The following CAMSAP2 variants were observed in gnomAD, a reference collection of about 807,000 sequenced individuals.
CAMSAP2 encodes the protein calmodulin regulated spectrin associated protein family member 2.
CAMSAP2 carries 26 observed loss-of-function variants against 146.1 expected under a neutral mutation model. The observed-to-expected ratio is 0.18, with a 90% confidence interval of 0.13 to 0.25. CAMSAP2 has a LOEUF of 0.25. Ranked by LOEUF, CAMSAP2 falls within the 10% of genes least tolerant of loss-of-function variation. CAMSAP2 has a pLI of 1.00. For missense variants in CAMSAP2, 1,381 were observed against 1,759.3 expected, an observed-to-expected ratio of 0.78 and a Z score of 3.85; for synonymous variants, 499 against 596.6, an observed-to-expected ratio of 0.84 and a Z score of 2.38.
intron 2 of CAMSAP2, among the ~76,000 whole-genome samples, chr1:200,805,240 G>A (rs1666141668): frequency 6.6e-6 from 1 of 152,156 alleles, no homozygotes; most frequent in South Asian, 2.1e-4. Context: ...ATACTGCTCA[G>A]TTTTCTAGAA....
chr1:200,740,274 T>TAC (rs1372524717), intron 1 of CAMSAP2, among the ~76,000 whole-genome samples: 1 of 152,212 alleles, frequency 6.6e-6, no homozygotes, highest in Non-Finnish European at 1.5e-5. Context: ...TGTGGTATTT[T>TAC]CTTCATTGTG....
Position 200,853,330 on chromosome 1 carries a change from T to C in CAMSAP2, c.3658T>C (p.Phe1220Leu). ...KKEDERARRE[F>L]IRQEYMRRKQ... ...AGAAGATGAGAGAGCACGCAGAGAA[T>C]TTATTAGGCAAGAATATATGAGGCG... is the stretch of plus-strand genomic sequence containing the variant. Residue 1220 changes from phenylalanine to leucine, a missense_variant, in exon 13 of 17, where the codon TTT (phenylalanine) becomes CTT (leucine). This residue lies in a region of CAMSAP2 where 560 missense variants were observed against 715.9 expected (regional missense o/e 0.78). Transcript: ENST00000358823. The surrounding 1 kb of genome is among the most constrained non-coding windows in gnomAD (Gnocchi z 5.1). 1 of 1,613,782 alleles carries C rather than the reference T, an allele frequency of 6.2e-7. No homozygotes were observed. Among genetic ancestry groups the C allele is most frequent in the Non-Finnish European group, 8.5e-7 (1 of 1,179,920 alleles).
chr1:200,817,279 T>TACACACAC (rs1345892408), intron 4 of CAMSAP2, among the ~76,000 whole-genome samples: 1 of 137,120 alleles, frequency 7.3e-6, no homozygotes, highest in Non-Finnish European at 1.6e-5. Flanking sequence ...CATATATATA[T>TACACACAC]ATTTTCCCAG....
chr1:200,789,334 C>G (rs1465847393), intron 2 of CAMSAP2, among the ~76,000 whole-genome samples: 1 of 151,336 alleles, frequency 6.6e-6, no homozygotes, highest in Non-Finnish European at 1.5e-5. Flanking sequence ...GTCTGTGATT[C>G]ATTTTGAGTT....
intron 1 of CAMSAP2, among the ~76,000 whole-genome samples, chr1:200,753,606 C>T (rs1482183610): frequency 1.3e-5 from 2 of 152,178 alleles, no homozygotes; most frequent in African/African-American, 4.8e-5. Flanking sequence ...AAACAAATTA[C>T]ACAGAGTCCT....
chr1:200,792,626 C>T (rs1424572098), intron 2 of CAMSAP2, among the ~76,000 whole-genome samples: 2 of 152,168 alleles, frequency 1.3e-5, no homozygotes, highest in African/African-American at 4.8e-5. Context: ...GCCTGGATGA[C>T]AAAGCAAGAG....
At chr1:200,800,462 T>G (rs1666004936) in intron 2 of CAMSAP2, among the ~76,000 whole-genome samples, 1 of 152,192 alleles carries the variant, frequency 6.6e-6, no homozygotes, top group African/African-American at 2.4e-5. Flanking sequence ...TTGACATCTG[T>G]TTTATCAGAG....
chr1:200,755,682 G>T, intron 1 of CAMSAP2, among the ~76,000 whole-genome samples: 2 of 152,190 alleles, frequency 1.3e-5, no homozygotes, highest in East Asian at 3.8e-4. Flanking sequence ...TGTAGGTACC[G>T]TACAGTCTTG....
intron 2 of CAMSAP2, among the ~76,000 whole-genome samples, chr1:200,807,045 A>G (rs1666196417): frequency 6.6e-6 from 1 of 152,160 alleles, no homozygotes; most frequent in Admixed American, 6.5e-5. Context: ...ATGAGGAAAG[A>G]CTGTCAAAGA....
At chr1:200,741,259 T>C (rs1173702514) in intron 1 of CAMSAP2, among the ~76,000 whole-genome samples, 1 of 152,220 alleles carries the variant, frequency 6.6e-6, no homozygotes, top group Non-Finnish European at 1.5e-5. Flanking sequence ...GATATTAAGC[T>C]GGCATCAGGA....
intron 7 of CAMSAP2, 119 bp from the exon 8 acceptor site, chr1:200,844,663 T>C (rs1667415120): frequency 2.0e-6 from 1 of 491,220 alleles, no homozygotes; most frequent in African/African-American, 2.0e-5. Context: ...TATGCTATGA[T>C]TTCTCAATAC....
intron 2 of CAMSAP2, among the ~76,000 whole-genome samples, chr1:200,774,474 A>G (rs1665214754): frequency 6.6e-6 from 1 of 152,186 alleles, no homozygotes; most frequent in African/African-American, 2.4e-5. Context: ...GATTGTGAGA[A>G]TACTGATTAT....
intron 2 of CAMSAP2, among the ~76,000 whole-genome samples, chr1:200,763,010 G>A (rs1664842794): frequency 6.6e-6 from 1 of 151,756 alleles, no homozygotes; most frequent in Non-Finnish European, 1.5e-5. Flanking sequence ...AGCAATTCTT[G>A]TGCCTCAGCC....
chr1:200,796,772 T>C (rs1039812202), intron 2 of CAMSAP2, among the ~76,000 whole-genome samples: 10 of 151,928 alleles, frequency 6.6e-5, no homozygotes, highest in African/African-American at 2.4e-4. Flanking sequence ...CTGCACCCAC[T>C]AACTCATCAT....
intron 2 of CAMSAP2, among the ~76,000 whole-genome samples, chr1:200,775,507 T>A (rs994671294): frequency 3.3e-5 from 5 of 152,178 alleles, no homozygotes; most frequent in Non-Finnish European, 7.3e-5. Context: ...AAAAGCTTCC[T>A]TTTTCATGAA....
chr1:200,799,249 G>A (rs1047166715), intron 2 of CAMSAP2, among the ~76,000 whole-genome samples: 2 of 152,056 alleles, frequency 1.3e-5, no homozygotes, highest in Admixed American at 6.5e-5. Flanking sequence ...AATGGTACCA[G>A]CTCCTCTTTG....
At chr1:200,815,456 A>G in intron 3 of CAMSAP2, 105 bp from the exon 4 acceptor site, 1 of 497,562 alleles carries the variant, frequency 2.0e-6, no homozygotes, top group Non-Finnish European at 3.4e-6. Context: ...ATTTGACATC[A>G]GGGCTCTGAC....
intron 2 of CAMSAP2, among the ~76,000 whole-genome samples, chr1:200,789,983 T>G (rs369355054): frequency 1.3e-5 from 2 of 152,344 alleles, no homozygotes; most frequent in East Asian, 1.9e-4. Context: ...GTTTGGCTTT[T>G]GTATGTTAAC....
intron 2 of CAMSAP2, among the ~76,000 whole-genome samples, chr1:200,786,845 T>C (rs1299754896): frequency 6.6e-6 from 1 of 152,198 alleles, no homozygotes; most frequent in Non-Finnish European, 1.5e-5. Context: ...CTGGTGACTT[T>C]AGATCGAAGC....
Sources: gnomAD v4.1 joint callset for allele counts (sites outside exome capture counted in the v4.1 genomes callset) on GRCh38, gnomAD v4.1.1 for gene constraint, gnomAD v4.1.1 regional missense constraint, Gnocchi (gnomAD v3.1) non-coding constraint, MANE v1.5 for transcripts, NCBI Gene and HGNC (gene_info 2026-07-23, HGNC 2026-07-21) for gene names.